The following VPS13A variants were observed in gnomAD, a reference collection of about 807,000 sequenced individuals.
VPS13A encodes vacuolar protein sorting 13 homolog A.
VPS13A carries 264 observed loss-of-function variants against 390.9 expected under a neutral mutation model. That is an observed-to-expected ratio of 0.68 (90% CI 0.61 to 0.75). VPS13A has a LOEUF of 0.75. Ranked by LOEUF, VPS13A falls within the 30% of genes least tolerant of loss-of-function variation. The pLI is 0.00. For synonymous variants in VPS13A, 1,231 were observed against 1,227.1 expected (o/e 1.00, Z -0.07); for missense variants, 3,409 against 3,733.9 (o/e 0.91, Z 2.27).
rs796297685 is a variant in VPS13A at position 77,399,174 on chromosome 9, A to T, written c.9190-4062A>T. Among the ~76,000 whole-genome samples the T allele has an allele frequency of 0.012, 1,048 of 85,186 alleles. 30 individuals carry two copies. In the East Asian group the frequency reaches 0.18, roughly 15 times the overall value. 55.9% of individuals were successfully genotyped at this position (85,186 alleles called of 152,430 possible). A position where few individuals can be genotyped will look rare whatever the true frequency, so the allele number is the denominator to read the frequency against. On this transcript the variant is annotated intron_variant, in intron 68 of 71. Transcript: ENST00000360280. ...CTAAAACTTAGAGTATAATAAAAAAAAAAAAATAAAAAAAAAAAAAAAAAA... is the reference window on the plus strand; with the variant it reads ...CTAAAACTTAGAGTATAATAAAAAATAAAAAATAAAAAAAAAAAAAAAAAA...
At chr9:77,226,432 A>G in intron 14 of VPS13A, 34 bp from the exon 15 acceptor site, 2 of 1,569,110 alleles carry the variant, frequency 1.3e-6, no homozygotes, top group Admixed American at 1.7e-5. Flanking sequence ...ATAAAGGATA[A>G]TGTGTCATTT....
At position 77,273,230 on chromosome 9, in the gene VPS13A, G is replaced by A. The variant is rs17063468; in HGVS notation, c.2428-50G>A. The A allele has an allele frequency of 0.088, 121,880 of 1,377,404 alleles. 5,779 individuals are homozygous for A. Among genetic ancestry groups the A allele is most frequent in the East Asian group, 0.15 (6,572 of 42,928 alleles). The allele number at this position is 1,377,404 out of a possible 1,614,324, so 85.3% of individuals were successfully genotyped here. ...TTGAATAAACATTTTTTGAATAAGCGGTGAATAAACATTTTTGTGCTAATC... is the reference window on the plus strand; with the variant it reads ...TTGAATAAACATTTTTTGAATAAGCAGTGAATAAACATTTTTGTGCTAATC... On this transcript the variant is annotated intron_variant, in intron 23 of 71. Coordinates refer to ENST00000360280, the MANE Select transcript of VPS13A (RefSeq NM_033305.3).
chr9:77,260,038 A>G lies in VPS13A; in HGVS notation c.2289-48A>G, dbSNP rs762441254. ...CAGTCTTTTTAATTAGTGCACTTAA[A>G]TCAGAATAATTCCTTTATAATTACT... On this transcript the variant is annotated intron_variant, in intron 22 of 71. Transcript: ENST00000360280. 6 of 1,240,548 alleles carry G rather than the reference A, an allele frequency of 4.8e-6. No homozygotes were observed. The South Asian group carries it at 8.3e-5, about 17-fold the overall frequency. 76.8% of individuals were successfully genotyped at this position (1,240,548 alleles called of 1,614,324 possible). A position where few individuals can be genotyped will look rare whatever the true frequency, so the allele number is the denominator to read the frequency against.
chr9:77,399,188 A>ATG (rs1563990842), intron 68 of VPS13A, among the ~76,000 whole-genome samples: 1 of 137,482 alleles, frequency 7.3e-6, no homozygotes, highest in Admixed American at 7.3e-5. Flanking sequence ...AAATAAAAAA[A>ATG]AAAAAAAAAA....
At position 77,344,257 on chromosome 9, in the gene VPS13A, T is replaced by C; in HGVS notation, c.7131T>C (p.Cys2377=). ...TATATTTTAACAAGCAGGAAAATTG[T>C]ATTCTATTGCGTCTAGATAACGAGG... ...KRIYFNKQEN[C]ILLRLDNELG... The change falls in exon 51 of 72, where the codon TGT becomes TGC. Residue 2377 remains cysteine (C), a synonymous_variant. Coordinates refer to ENST00000360280, the MANE Select transcript of VPS13A (RefSeq NM_033305.3). The C allele has an allele frequency of 1.2e-6, 2 of 1,613,592 alleles. No homozygotes were observed. The highest frequency in any genetic ancestry group is 1.7e-6 in the Non-Finnish European group (2 of 1,179,736).
chr9:77,368,438 G>A (rs1157779505), intron 62 of VPS13A, among the ~76,000 whole-genome samples: 3 of 152,134 alleles, frequency 2.0e-5, no homozygotes, highest in Admixed American at 6.5e-5. Context: ...ATGGGTTCAT[G>A]GAAACTATTA....
chr9:77,193,479 T>C (rs1589976677), intron 1 of VPS13A, among the ~76,000 whole-genome samples: 1 of 152,074 alleles, frequency 6.6e-6, no homozygotes. Flanking sequence ...AATTAAAATA[T>C]AGAAATTAGC....
chr9:77,231,859 C>G (rs1823850353), intron 17 of VPS13A, among the ~76,000 whole-genome samples: 1 of 152,062 alleles, frequency 6.6e-6, no homozygotes, highest in South Asian at 2.1e-4. Context: ...CCAGTATTTT[C>G]TTCTAAGAGT....
intron 41 of VPS13A, 27 bp downstream of exon 41, chr9:77,318,618 C>G (rs1829543638): frequency 6.6e-7 from 1 of 1,508,138 alleles, no homozygotes; most frequent in African/African-American, 1.4e-5. Context: ...AGTTTTATAA[C>G]AGATAATGAT....
At chr9:77,284,667 C>T (rs1827231157) in intron 31 of VPS13A, among the ~76,000 whole-genome samples, 1 of 151,966 alleles carries the variant, frequency 6.6e-6, no homozygotes, top group Non-Finnish European at 1.5e-5. Context: ...GAGCATGATC[C>T]AACCCATTGA....
chr9:77,404,797 G>T (rs1428142269), intron 69 of VPS13A, among the ~76,000 whole-genome samples: 1 of 152,186 alleles, frequency 6.6e-6, no homozygotes, highest in East Asian at 1.9e-4. Flanking sequence ...ACTGGGAATA[G>T]CTGCTACATT....
At position 77,369,091 on chromosome 9, in the gene VPS13A, A is replaced by T. The variant is rs1407428368; in HGVS notation, c.8554-208A>T. On this transcript the variant is annotated intron_variant, in intron 62 of 71. Coordinates refer to ENST00000360280, the MANE Select transcript of VPS13A (RefSeq NM_033305.3). Reference sequence around the variant, plus strand: ...GGTTGCAGTGAGCCGAGATGGCGCCACCGCATTCCAGCCTGGGCAACAGAG... The same window carrying T: ...GGTTGCAGTGAGCCGAGATGGCGCCTCCGCATTCCAGCCTGGGCAACAGAG... Among the ~76,000 whole-genome samples, 4 of 152,204 alleles carry T rather than the reference A, an allele frequency of 2.6e-5. No homozygotes were observed. The East Asian group carries it at 7.7e-4, about 29-fold the overall frequency.
intron 32 of VPS13A, among the ~76,000 whole-genome samples, chr9:77,294,746 C>T (rs922219339): frequency 6.6e-6 from 1 of 152,098 alleles, no homozygotes; most frequent in Non-Finnish European, 1.5e-5. Flanking sequence ...GCTCTGCAGC[C>T]CAGACTGGAG....
intron 68 of VPS13A, among the ~76,000 whole-genome samples, chr9:77,400,223 A>ATTTT (rs34605855): frequency 0.055 from 4,784 of 87,724 alleles, 207 homozygotes; most frequent in Non-Finnish European, 0.065. Flanking sequence ...TATCAGTCAG[A>ATTTT]TTTTTTTTTT....
intron 31 of VPS13A, among the ~76,000 whole-genome samples, chr9:77,293,030 C>T (rs1827767441): frequency 6.6e-6 from 1 of 151,818 alleles, no homozygotes; most frequent in Non-Finnish European, 1.5e-5. Flanking sequence ...CGAAAGTATA[C>T]TTGCAAAATG....
chr9:77,356,716 C>T lies in VPS13A; in HGVS notation c.7655C>T (p.Ser2552Phe), dbSNP rs1276686651. ...TGATTTTTGCTTTCTTAAATAAGTTCTGATGTGGTTTGGGAAACAAAGCCC... is the reference window on the plus strand; with the variant it reads ...TGATTTTTGCTTTCTTAAATAAGTTTTGATGTGGTTTGGGAAACAAAGCCC... ...QEVAYIGITSSDVVWETKPKK... is the reference protein window; with the variant it reads ...QEVAYIGITSFDVVWETKPKK... The change falls in exon 55 of 72, where the codon TCT becomes TTT. Residue 2552 changes from serine to phenylalanine, a missense_variant and splice_region_variant. By Grantham distance (155) the Ser-to-Phe change is radical. Around this residue, in one of 5 missense-constraint regions of VPS13A, gnomAD observed 221 missense variants for 300.7 expected, o/e 0.73. Coordinates refer to ENST00000360280, the MANE Select transcript of VPS13A (RefSeq NM_033305.3). 1.9e-6 allele frequency: 3 copies of T among 1,609,482 alleles called. No individual in the cohort carries two copies. In the East Asian group the frequency reaches 6.7e-5, roughly 36 times the overall value.
chr9:77,357,542 G>A (rs1318633877), intron 55 of VPS13A, 150 bp from the exon 56 acceptor site: 4 of 743,126 alleles, frequency 5.4e-6, no homozygotes, highest in Non-Finnish European at 8.5e-6. Context: ...ATATGAATAT[G>A]TGAATTTTAT....
intron 59 of VPS13A, 95 bp from the exon 60 acceptor site, chr9:77,365,365 C>CTT: frequency 1.3e-6 from 1 of 774,546 alleles, no homozygotes; most frequent in South Asian, 1.5e-5. Context: ...GAGTCTGGAT[C>CTT]TTATAGAAGA....
In VPS13A at chr9:77,205,922, A is replaced by G. The variant is rs571873626; in HGVS notation, c.284-56A>G. ...GATTATTTGTAAGGATTTTTTTGGA[A>G]TGACTATATTTAAATTTAAGGTAGT... On this transcript the variant is annotated intron_variant, in intron 4 of 71. Transcript: ENST00000360280. 6 of 1,126,534 alleles carry G rather than the reference A, an allele frequency of 5.3e-6. No individual in the cohort carries two copies. In the South Asian group the frequency reaches 6.9e-5, roughly 13 times the overall value. The allele number at this position is 1,126,534 out of a possible 1,614,324, so 69.8% of individuals were successfully genotyped here.
Sources: allele counts gnomAD v4.1 joint callset (sites outside exome capture counted in the v4.1 genomes callset), GRCh38; gene constraint gnomAD v4.1.1; regional missense constraint gnomAD v4.1.1; transcripts MANE v1.5; gene names NCBI Gene and HGNC (gene_info 2026-07-23, HGNC 2026-07-21).